The following SYNE2 variants were observed in gnomAD, a reference collection of about 807,000 sequenced individuals.
SYNE2 encodes nesprin-2.
SYNE2 carries 431 observed loss-of-function variants against 856.3 expected under a neutral mutation model. The ratio of observed to expected loss-of-function variants is 0.50; its 90% CI spans 0.47 to 0.55. SYNE2 has a LOEUF of 0.55. SYNE2 is among the 20% of genes least tolerant of loss of function. SYNE2 has a pLI of 0.00. For missense variants in SYNE2, 8,129 were observed against 8,023.2 expected (o/e 1.01, Z -0.50); for synonymous variants, 2,923 against 2,872.3 (o/e 1.02, Z -0.56).
chr14:64,131,290 A>G (rs1367605440), intron 76 of SYNE2, among the ~76,000 whole-genome samples: 1 of 152,204 alleles, frequency 6.6e-6, no homozygotes, highest in Non-Finnish European at 1.5e-5. Flanking sequence ...CATAATATGG[A>G]GGGATCCCTC....
rs1276363509 is a variant in SYNE2 at position 64,170,258 on chromosome 14, G to C, written c.17031G>C (p.Leu5677=). 4 of 1,613,958 alleles carry C rather than the reference G, an allele frequency of 2.5e-6. No homozygotes were observed. In the African/African-American group the frequency reaches 5.3e-5, roughly 22 times the overall value. ...AATTTATTACAGAATTCTCAAAGCTGACGGATCGGTGGCAGAATGCTGTCC... is the reference window on the plus strand; with the variant it reads ...AATTTATTACAGAATTCTCAAAGCTCACGGATCGGTGGCAGAATGCTGTCC... The part of the protein sequence containing the change: ...RPEFITEFSK[L]TDRWQNAVQG... Residue 5677 remains leucine (L), a synonymous_variant, in exon 94 of 116, where the codon CTG becomes CTC. Transcript: ENST00000555002.
At chr14:63,853,656 T>G (rs1168687902) in intron 1 of SYNE2, among the ~76,000 whole-genome samples, 1 of 151,010 alleles carries the variant, frequency 6.6e-6, no homozygotes, top group African/African-American at 2.4e-5. Flanking sequence ...TCGTGAGCGG[T>G]GCGGTGCTCG....
At chr14:64,020,708 A>G (rs2096929820) in intron 35 of SYNE2, among the ~76,000 whole-genome samples, 1 of 152,078 alleles carries the variant, frequency 6.6e-6, no homozygotes, top group South Asian at 2.1e-4. Flanking sequence ...TAGGTTTATT[A>G]TTTGCTAGAT....
chr14:63,889,270 T>C (rs2095072096), intron 1 of SYNE2, among the ~76,000 whole-genome samples: 2 of 151,978 alleles, frequency 1.3e-5, no homozygotes, highest in Non-Finnish European at 2.9e-5. Context: ...ATAAATTGAA[T>C]GACAGTTCGA....
chr14:64,128,655 G>A (rs986362913), intron 74 of SYNE2, 102 bp downstream of exon 74: 4 of 760,986 alleles, frequency 5.3e-6, no homozygotes, highest in Non-Finnish European at 2.4e-6. Flanking sequence ...CAGCAGCAAG[G>A]CTTAAGTAAA....
chr14:63,965,247 G>A (rs1566927192), intron 10 of SYNE2, among the ~76,000 whole-genome samples: 1 of 152,142 alleles, frequency 6.6e-6, no homozygotes, highest in Non-Finnish European at 1.5e-5. Flanking sequence ...TCAGGTGTGA[G>A]CCACCACATC....
rs201963415 is a variant in SYNE2 at position 64,221,718 on chromosome 14, C to T, written c.20190+14C>T. On this transcript the variant is annotated intron_variant, in intron 112 of 115. Coordinates refer to ENST00000555002, the MANE Select transcript of SYNE2 (RefSeq NM_182914.3). ...AGGGAACTAATGGTAAGTTTCCTCC[C>T]AAGGGCTCTGTACTGCCACCAGCCT... is the stretch of plus-strand genomic sequence containing the variant. 6.5e-5 allele frequency: 105 copies of T among 1,613,504 alleles called. No homozygotes were observed. Among genetic ancestry groups the T allele is most frequent in the Non-Finnish European group, 8.1e-5 (95 of 1,179,700 alleles).
chr14:64,191,572 A>G (rs915369887), intron 99 of SYNE2, among the ~76,000 whole-genome samples: 1 of 152,226 alleles, frequency 6.6e-6, no homozygotes, highest in African/African-American at 2.4e-5. Context: ...GGCCCCAAGC[A>G]TAGGAGATGA....
intron 85 of SYNE2, among the ~76,000 whole-genome samples, chr14:64,154,768 G>C (rs1449797783): frequency 6.8e-6 from 1 of 147,252 alleles, no homozygotes; most frequent in Non-Finnish European, 1.5e-5. Flanking sequence ...ACTCCAGCCT[G>C]GGCAACACAG....
intron 113 of SYNE2, 123 bp downstream of exon 113, chr14:64,223,503 C>T: frequency 9.7e-7 from 1 of 1,027,422 alleles, no homozygotes; most frequent in Non-Finnish European, 1.5e-6. Flanking sequence ...CGAGTGGGGC[C>T]TCATGTCGTG....
chr14:63,997,569 A>C (rs2096723025), intron 25 of SYNE2, among the ~76,000 whole-genome samples, 178 bp downstream of exon 25: 1 of 152,200 alleles, frequency 6.6e-6, no homozygotes, highest in Admixed American at 6.5e-5. Context: ...CAACTAACCA[A>C]AGCTACAGTG....
intron 99 of SYNE2, 84 bp downstream of exon 99, chr14:64,190,321 A>C: frequency 6.4e-7 from 1 of 1,556,400 alleles, no homozygotes; most frequent in Admixed American, 1.7e-5. Context: ...TCTTCCTCTA[A>C]GATGATCCAG....
intron 11 of SYNE2, among the ~76,000 whole-genome samples, chr14:63,972,880 A>G (rs2096490618): frequency 6.6e-6 from 1 of 152,262 alleles, no homozygotes; most frequent in African/African-American, 2.4e-5. Context: ...TCAATTATTT[A>G]TCAAATTTCT....
chr14:64,021,170 A>G (rs1416823473), intron 35 of SYNE2, 145 bp from the exon 36 acceptor site: 2 of 712,260 alleles, frequency 2.8e-6, no homozygotes, highest in Non-Finnish European at 4.9e-6. Context: ...AAATTGTATC[A>G]GTGACATAGA....
At chr14:63,924,832 G>GTTTTT (rs1491139905) in intron 2 of SYNE2, among the ~76,000 whole-genome samples, 1,011 of 92,780 alleles carry the variant, frequency 0.011, 257 homozygotes, top group African/African-American at 0.042. Flanking sequence ...TCCAGCCTTG[G>GTTTTT]TGTTTTTTTT....
At chr14:63,888,381 C>T (rs2095048204) in intron 1 of SYNE2, among the ~76,000 whole-genome samples, 1 of 152,098 alleles carries the variant, frequency 6.6e-6, no homozygotes, top group Non-Finnish European at 1.5e-5. Context: ...CTGGTCCCTG[C>T]TTCTCTCACC....
chr14:63,998,296 T>G lies in SYNE2; in HGVS notation c.3321T>G (p.Asp1107Glu). ...PLQEESIMEK[D>E]YSASINSLLE... ...AAGAAGAAAGCATTATGGAAAAGGA[T>G]TACAGTGCATCTATAAATAGTTTAC... Residue 1107 changes from aspartate (D) to glutamate (E), a missense_variant, in exon 26 of 116, where the codon GAT becomes GAG. Transcript: ENST00000555002. 1.2e-6 allele frequency: 2 copies of G among 1,613,472 alleles called. No homozygotes were observed. Among genetic ancestry groups the G allele is most frequent in the Non-Finnish European group, 1.7e-6 (2 of 1,179,408 alleles).
chr14:64,195,861 T>C (rs1334098978), intron 99 of SYNE2, among the ~76,000 whole-genome samples: 4 of 152,190 alleles, frequency 2.6e-5, no homozygotes, highest in Admixed American at 1.3e-4. Context: ...TTAGGGATTA[T>C]TTTAGCACAG....
At chr14:64,042,293 C>T (rs1157877600) in intron 45 of SYNE2, among the ~76,000 whole-genome samples, 1 of 152,108 alleles carries the variant, frequency 6.6e-6, no homozygotes, top group Non-Finnish European at 1.5e-5. Flanking sequence ...TGAATACTAA[C>T]ATATGTAGTG....
Sources: gnomAD v4.1 joint callset for allele counts (sites outside exome capture counted in the v4.1 genomes callset) on GRCh38, gnomAD v4.1.1 for gene constraint, MANE v1.5 for transcripts, NCBI Gene and HGNC (gene_info 2026-07-23, HGNC 2026-07-21) for gene names.